SMAD6: variants seen among roughly 807,000 people sequenced by gnomAD.
The protein encoded by SMAD6 is MAD homolog 6.
In SMAD6, 103 loss-of-function variants were observed where a neutral mutation model predicts 39.4. The observed-to-expected ratio is 2.62, with a 90% CI of 2.23 to 3.08. SMAD6 has a LOEUF of 3.08. SMAD6 is among the 30% of genes most tolerant of loss of function. The pLI, the probability that SMAD6 is intolerant of heterozygous loss-of-function variation, is 0.00. For missense variants in SMAD6, 1,104 were observed against 742.9 expected, an observed-to-expected ratio of 1.49 and a Z score of -5.65; for synonymous variants, 445 against 353.3, an observed-to-expected ratio of 1.26 and a Z score of -2.91.
Position 66,703,192 on chromosome 15 carries a change from C to G in SMAD6, c.-67C>G. 8.2e-7 allele frequency: 1 copy of G among 1,226,458 alleles called. No individual in the cohort carries two copies. The allele number at this position is 1,226,458 out of a possible 1,614,324, so 76.0% of individuals were successfully genotyped here. A position where few individuals can be genotyped will look rare whatever the true frequency, so the allele number is the denominator to read the frequency against. ...TGCGACCCGCGCAGCCGGCGCCTCG[C>G]TGAGGGAACGGACCCCCGGTAACCG... On this transcript the variant is annotated 5_prime_UTR_variant, in exon 1 of 4. Transcript: ENST00000288840.
chr15:66,781,398 C>T lies in SMAD6; in HGVS notation c.1354C>T (p.Pro452Ser), dbSNP rs1489140327. 1 of 1,602,742 alleles carries T rather than the reference C, an allele frequency of 6.2e-7. No individual in the cohort carries two copies. The highest frequency in any genetic ancestry group is 1.7e-5 in the Admixed American group (1 of 59,822). Residue 452 changes from proline to serine, a missense_variant, in exon 4 of 4, where the codon CCC becomes TCC. By Grantham distance (74) the Pro-to-Ser change is moderately conservative. Transcript: ENST00000288840. ...CTCGGGCCTGCAGCACGCGCCCGAG[C>T]CCGACGCCGCCGACGGCCCCTACGA... The part of the protein sequence containing the change: ...ERSGLQHAPE[P>S]DAADGPYDPN...
chr15:66,716,474 AT>A lies in SMAD6; in HGVS notation c.929del (p.Ile310ThrfsTer229). The A allele has an allele frequency of 6.2e-7, 1 of 1,613,514 alleles. No homozygotes were observed. The highest frequency in any genetic ancestry group is 2.2e-5 in the East Asian group (1 of 44,892). On this transcript the variant is annotated frameshift_variant, in exon 3 of 4. Transcript: ENST00000288840. LOFTEE classifies it high-confidence loss of function. The stretch of plus-strand genomic sequence containing the variant: ...TGAAACGGAGGCTACCAACTCCCTC[AT>A]CACTGCTCCGGGTGAATTCTCAGGT... ...YTETEATNSLITAPGEFSDAS... is the reference protein window; with the variant it reads ...YTETEATNSLXTAPGEFSDAS...
intron 3 of SMAD6, among the ~76,000 whole-genome samples, chr15:66,729,433 C>T (rs765688502): frequency 1.8e-4 from 27 of 152,206 alleles, no homozygotes; most frequent in Non-Finnish European, 1.2e-4. Context: ...TCCTGTACCC[C>T]GGGAGCAGCC....
At chr15:66,729,356 C>G (rs1893582078) in intron 3 of SMAD6, among the ~76,000 whole-genome samples, 1 of 152,202 alleles carries the variant, frequency 6.6e-6, no homozygotes, top group Admixed American at 6.5e-5. Context: ...TGAAAGGAAA[C>G]TAAACATTGG....
At position 66,781,275 on chromosome 15, in the gene SMAD6, T is replaced by C; in HGVS notation, c.1231T>C (p.Phe411Leu). The stretch of plus-strand genomic sequence containing the variant: ...CTACAACCGCGGCGAGCACCCCATC[T>C]TCGTCAACTCCCCGACGCTGGACGC... The part of the protein sequence containing the change: ...WAYNRGEHPI[F>L]VNSPTLDAPG... The change falls in exon 4 of 4, where the codon TTC (phenylalanine) becomes CTC (leucine). Residue 411 changes from phenylalanine (F) to leucine (L), a missense_variant. Coordinates refer to ENST00000288840, the MANE Select transcript of SMAD6 (RefSeq NM_005585.5). 2 of 1,607,374 alleles carry C rather than the reference T, an allele frequency of 1.2e-6. No individual in the cohort carries two copies. The highest frequency in any genetic ancestry group is 1.7e-6 in the Non-Finnish European group (2 of 1,178,768).
chr15:66,764,180 T>C (rs1409255690), intron 3 of SMAD6, among the ~76,000 whole-genome samples: 2 of 152,244 alleles, frequency 1.3e-5, no homozygotes, highest in East Asian at 3.8e-4. Flanking sequence ...TGCAGAGATC[T>C]GCTTTCGAGA....
rs1285829405 is a variant in SMAD6, at chr15:66,747,213, G to A, written c.952+30715G>A. On this transcript the variant is annotated intron_variant, in intron 3 of 3. Transcript: ENST00000288840. This position sits in a 1 kb window ranked among gnomAD's most constrained non-coding sequence, Gnocchi z 4.5. ...GTGGGGAAAATGAGGCTTGGCCAGA[G>A]GTTGCGTGGTTTGCTGTGTTTGCAT... 6.6e-6 allele frequency among the ~76,000 whole-genome samples: 1 copy of A among 152,278 alleles called. No individual in the cohort carries two copies. The highest frequency in any genetic ancestry group is 2.4e-5 in the African/African-American group (1 of 41,470).
intron 3 of SMAD6, among the ~76,000 whole-genome samples, chr15:66,774,138 T>C (rs1192875820): frequency 1.3e-5 from 2 of 152,052 alleles, no homozygotes; most frequent in Non-Finnish European, 2.9e-5. Flanking sequence ...GGTGGCTGAG[T>C]CCAAGGCAGT....
intron 3 of SMAD6, among the ~76,000 whole-genome samples, chr15:66,752,622 A>C (rs1894027059): frequency 6.7e-6 from 1 of 148,994 alleles, no homozygotes; most frequent in Non-Finnish European, 1.5e-5. Context: ...CTGTCTCTAC[A>C]AAAAAAAAAT....
At chr15:66,753,107 G>T (rs959111797) in intron 3 of SMAD6, among the ~76,000 whole-genome samples, 1 of 152,082 alleles carries the variant, frequency 6.6e-6, no homozygotes, top group Admixed American at 6.5e-5. Context: ...GAGGGGAGGA[G>T]GCTTGTTTGG....
At chr15:66,742,246 T>C (rs1893828184) in intron 3 of SMAD6, among the ~76,000 whole-genome samples, 1 of 152,154 alleles carries the variant, frequency 6.6e-6, no homozygotes. Flanking sequence ...CTACTTCTCA[T>C]GGGAGTCAGC....
intron 3 of SMAD6, among the ~76,000 whole-genome samples, chr15:66,743,535 G>A (rs1303339664): frequency 1.3e-5 from 2 of 151,586 alleles, no homozygotes; most frequent in East Asian, 1.9e-4. Flanking sequence ...GTTAGTGAAG[G>A]AGCTGGGCCC....
chr15:66,730,758 G>T (rs1331733699), intron 3 of SMAD6, among the ~76,000 whole-genome samples: 1 of 152,234 alleles, frequency 6.6e-6, no homozygotes, highest in African/African-American at 2.4e-5. Flanking sequence ...AACAAGACGA[G>T]TTCTATTGTA....
intron 3 of SMAD6, among the ~76,000 whole-genome samples, chr15:66,767,952 G>A (rs1894316220): frequency 7.3e-6 from 1 of 136,926 alleles, no homozygotes; most frequent in Non-Finnish European, 1.6e-5. Context: ...ATTATCCCAA[G>A]CTGCATCTTT....
Position 66,711,688 on chromosome 15 carries a change from T to A in SMAD6, c.838T>A (p.Ser280Thr), listed in dbSNP as rs548507472. Residue 280 changes from serine to threonine, a missense_variant, in exon 2 of 4, where the codon TCT (serine) becomes ACT (threonine). By Grantham distance (58) the Ser-to-Thr change is moderately conservative. Coordinates refer to ENST00000288840, the MANE Select transcript of SMAD6 (RefSeq NM_005585.5). ...TCCAGAATCTCCGCCACCTCCCTACTCTCGGCTGTCTCCTCGCGACGAGTA... is the reference window on the plus strand; with the variant it reads ...TCCAGAATCTCCGCCACCTCCCTACACTCGGCTGTCTCCTCGCGACGAGTA... ...CGPESPPPPY[S>T]RLSPRDEYKP... 1.2e-6 allele frequency: 2 copies of A among 1,613,994 alleles called. No homozygotes were observed. Among genetic ancestry groups the A allele is most frequent in the East Asian group, 2.2e-5 (1 of 44,884 alleles).
chr15:66,718,355 T>C (rs936786771), intron 3 of SMAD6, among the ~76,000 whole-genome samples: 2 of 152,170 alleles, frequency 1.3e-5, no homozygotes, highest in Non-Finnish European at 2.9e-5. Context: ...TGGGCCTCAC[T>C]GGGCCTGTGT....
chr15:66,753,293 ACATCCCAGTGCC>A lies in SMAD6; in HGVS notation c.953-27695_953-27684del, dbSNP rs914033557. 8.5e-5 allele frequency among the ~76,000 whole-genome samples: 13 copies of A among 152,198 alleles called. 1 individual carries two copies. The highest frequency in any genetic ancestry group is 2.9e-4 in the African/African-American group (12 of 41,524). ...AGGGTGTGCCCAGGGAGGGGTGGGG[ACATCCCAGTGCC>A]CATCCCAGCCTGCCCTCCTGTCACC... On this transcript the variant is annotated intron_variant, in intron 3 of 3. Coordinates refer to ENST00000288840, the MANE Select transcript of SMAD6 (RefSeq NM_005585.5).
chr15:66,759,918 T>C (rs1184814289), intron 3 of SMAD6, among the ~76,000 whole-genome samples: 2 of 152,234 alleles, frequency 1.3e-5, no homozygotes, highest in African/African-American at 4.8e-5. Context: ...ACACAGGTGC[T>C]TACTCCTGAC....
At chr15:66,766,502 C>T (rs1001723159) in intron 3 of SMAD6, among the ~76,000 whole-genome samples, 8 of 151,904 alleles carry the variant, frequency 5.3e-5, no homozygotes, top group African/African-American at 1.2e-4. Flanking sequence ...TTGTTCTCAG[C>T]ATTAAATGAG....
Sources: gnomAD v4.1 joint callset for allele counts (sites outside exome capture counted in the v4.1 genomes callset) on GRCh38, gnomAD v4.1.1 for gene constraint, Gnocchi (gnomAD v3.1) non-coding constraint, MANE v1.5 for transcripts, NCBI Gene and HGNC (gene_info 2026-07-23, HGNC 2026-07-21) for gene names.